The following FBN3 variants were observed in gnomAD, a reference collection of about 807,000 sequenced individuals.
FBN3 encodes fibrillin-3.
A neutral mutation model predicts 330.1 loss-of-function variants in FBN3; 234 were observed. The ratio of observed to expected loss-of-function variants is 0.71; its 90% CI spans 0.64 to 0.79. The LOEUF is 0.79. Among genes scored for constraint, FBN3 ranks in the 30% least tolerant of loss-of-function variants. The pLI, the probability that FBN3 is intolerant of heterozygous loss-of-function variation, is 0.00. For synonymous variants in FBN3, 1,458 were observed against 1,517.3 expected (o/e 0.96, Z 0.91); for missense variants, 3,606 against 3,886.9 (o/e 0.93, Z 1.92).
intron 38 of FBN3, among the ~76,000 whole-genome samples, chr19:8,104,165 G>GA (rs34779277): frequency 0.3 from 35,749 of 120,794 alleles, 5,444 homozygotes; most frequent in Non-Finnish European, 0.35. Flanking sequence ...GACATTAAGT[G>GA]AAAAAAAAAA....
intron 21 of FBN3, 126 bp downstream of exon 21, chr19:8,126,171 G>T: frequency 1.4e-6 from 2 of 1,408,178 alleles, no homozygotes; most frequent in Non-Finnish European, 2.0e-6. Context: ...ACCAGGTAGG[G>T]AGAACGTCTG....
rs553541419 is a variant in FBN3 at position 8,109,584 on chromosome 19, C to G, written c.4456+47G>C. On this transcript the variant is annotated intron_variant, in intron 35 of 63. Coordinates refer to ENST00000600128, the MANE Select transcript of FBN3 (RefSeq NM_032447.5). This position sits in a 1 kb window ranked among gnomAD's most constrained non-coding sequence, Gnocchi z 5.2. ...TAACCCAGTGGGGCAATCCCACCCACCTCTGCTGACCCCAGAACCCTGATC... is the reference window on the plus strand; with the variant it reads ...TAACCCAGTGGGGCAATCCCACCCAGCTCTGCTGACCCCAGAACCCTGATC... The G allele has an allele frequency of 6.4e-6, 10 of 1,562,430 alleles. No homozygotes were observed. In the African/African-American group the frequency reaches 9.5e-5, roughly 15 times the overall value.
At chr19:8,076,258 G>A (rs910416505) in intron 59 of FBN3, among the ~76,000 whole-genome samples, 2 of 151,886 alleles carry the variant, frequency 1.3e-5, no homozygotes, top group African/African-American at 2.4e-5. Context: ...GTGTGTGTGT[G>A]TGTGTGTGTG....
rs1429513416 is a variant in FBN3, at chr19:8,100,892, C to T, written c.5161+9G>A. The T allele has an allele frequency of 2.5e-6, 4 of 1,612,656 alleles. No individual in the cohort carries two copies. In the African/African-American group the frequency reaches 5.3e-5, roughly 22 times the overall value. On this transcript the variant is annotated intron_variant, in intron 41 of 63. Transcript: ENST00000600128. Reference sequence around the variant, plus strand: ...GTGCCCAGGGATAGAGCAGGGACCACTCACTCACCAAGGGGCTTCCCCGTG... The same window carrying T: ...GTGCCCAGGGATAGAGCAGGGACCATTCACTCACCAAGGGGCTTCCCCGTG...
At chr19:8,144,738 ATGTCCTCAGAC>A in intron 6 of FBN3, 128 bp downstream of exon 6, 1 of 615,558 alleles carries the variant, frequency 1.6e-6, no homozygotes, top group South Asian at 2.1e-5. Flanking sequence ...AATGAAAGAA[ATGTCCTCAGAC>A]TGCCCCAAAT....
At chr19:8,120,823 C>G (rs553207898) in intron 25 of FBN3, among the ~76,000 whole-genome samples, 5 of 152,328 alleles carry the variant, frequency 3.3e-5, no homozygotes, top group African/African-American at 1.2e-4. Context: ...GTCTGTCTTC[C>G]TGTTAGGCTG....
At chr19:8,128,861 G>A (rs894296155) in intron 18 of FBN3, among the ~76,000 whole-genome samples, 167 bp downstream of exon 18, 18 of 151,738 alleles carry the variant, frequency 1.2e-4, no homozygotes, top group African/African-American at 3.7e-4. Flanking sequence ...GTATCTGAGC[G>A]TGTGCATATA....
rs562090883 is a variant in FBN3 at position 8,094,762 on chromosome 19, G to A, written c.5786-197C>T. 7.9e-5 allele frequency among the ~76,000 whole-genome samples: 12 copies of A among 152,270 alleles called. No homozygotes were observed. In the South Asian group the frequency reaches 8.3e-4, roughly 11 times the overall value. On this transcript the variant is annotated intron_variant, in intron 46 of 63. Transcript: ENST00000600128. The stretch of plus-strand genomic sequence containing the variant: ...GCTGGGGAAGGATTATCTGACTCTC[G>A]TGGGGTTATAGGTGGGGCAGATGGT...
At chr19:8,076,247 C>CGTGTGTGT (rs34549426) in intron 59 of FBN3, among the ~76,000 whole-genome samples, 2,255 of 147,726 alleles carry the variant, frequency 0.015, 32 homozygotes, top group Non-Finnish European at 0.023. Flanking sequence ...TGTCCGTGTG[C>CGTGTGTGT]GTGTGTGTGT....
At chr19:8,089,777 C>A (rs754652075) in intron 50 of FBN3, 107 bp from the exon 51 acceptor site, 11 of 1,558,678 alleles carry the variant, frequency 7.1e-6, no homozygotes, top group Admixed American at 1.8e-5. Context: ...CCCAGGCTGG[C>A]AGGGTCCAGG....
chr19:8,073,704 G>C (rs1033248260), intron 61 of FBN3, among the ~76,000 whole-genome samples: 2 of 152,182 alleles, frequency 1.3e-5, no homozygotes, highest in Non-Finnish European at 1.5e-5. Flanking sequence ...TTGGAGTTGG[G>C]AGTCTCACTC....
chr19:8,086,609 G>A (rs1026289934), intron 54 of FBN3, among the ~76,000 whole-genome samples: 8 of 135,294 alleles, frequency 5.9e-5, no homozygotes, highest in African/African-American at 1.7e-4. Context: ...GGTGCCCGCC[G>A]CCACGCCCAG....
intron 51 of FBN3, among the ~76,000 whole-genome samples, chr19:8,089,058 G>T (rs1222820553): frequency 1.4e-5 from 2 of 147,206 alleles, no homozygotes; most frequent in Non-Finnish European, 1.5e-5. Flanking sequence ...GAATAAGTGA[G>T]TAAATGAATA....
At chr19:8,113,953 T>C (rs552892140) in intron 30 of FBN3, among the ~76,000 whole-genome samples, 2 of 151,548 alleles carry the variant, frequency 1.3e-5, no homozygotes, top group Admixed American at 1.3e-4. Flanking sequence ...ATTGTGTCAC[T>C]GCACTCCAGC....
chr19:8,085,022 G>C (rs1338253997), intron 56 of FBN3, among the ~76,000 whole-genome samples: 1 of 152,142 alleles, frequency 6.6e-6, no homozygotes, highest in Non-Finnish European at 1.5e-5. Context: ...AAAGTGCTGG[G>C]ATGACAGGTA....
rs1482257497 is a variant in FBN3, at chr19:8,136,429, C to T, written c.1304G>A (p.Cys435Tyr). The T allele has an allele frequency of 1.9e-6, 3 of 1,614,180 alleles. No individual in the cohort carries two copies. The highest frequency in any genetic ancestry group is 2.5e-6 in the Non-Finnish European group (3 of 1,180,020). Residue 435 changes from cysteine (C) to tyrosine (Y), a missense_variant, in exon 11 of 64, where the codon TGT becomes TAT. Cys to Tyr is a radical substitution (Grantham distance 194). Coordinates refer to ENST00000600128, the MANE Select transcript of FBN3 (RefSeq NM_032447.5). ...CACGTCCTGGGTGTAGCCCACGTTA[C>T]ACTCGCAGCGGTAGCTGGAAGGCGT... ...LPTPSSYRCE[C>Y]NVGYTQDVRG...
Position 8,142,100 on chromosome 19 carries a change from G to C in FBN3, c.579C>G (p.Pro193=), listed in dbSNP as rs35460337. The change falls in exon 7 of 64, where the codon CCC becomes CCG. Residue 193 remains proline, a synonymous_variant. Transcript: ENST00000600128. Reference sequence around the variant, plus strand: ...CCGTCAGCTGATGCTGGCACCCCTCGGGGCCTACTTGGCCAAAGCAGGGTC... The same window carrying C: ...CCGTCAGCTGATGCTGGCACCCCTCCGGGCCTACTTGGCCAAAGCAGGGTC... ...RTGPCFGQVG[P]EGCQHQLTGL... 4,472 of 1,612,934 alleles carry C rather than the reference G, an allele frequency of 2.8e-3. 125 individuals carry two copies. The African/African-American group carries it at 0.053, about 19-fold the overall frequency.
chr19:8,117,717 T>A, intron 26 of FBN3, 128 bp from the exon 27 acceptor site: 1 of 1,088,428 alleles, frequency 9.2e-7, no homozygotes. Flanking sequence ...GCCCCGCATG[T>A]GCCTATCCGT....
rs942378500 is a variant in FBN3 at position 8,091,460 on chromosome 19, C to G, written c.6031+5G>C. 1 of 1,613,976 alleles carries G rather than the reference C, an allele frequency of 6.2e-7. No individual in the cohort carries two copies. The highest frequency in any genetic ancestry group is 1.3e-5 in the African/African-American group (1 of 74,920). On this transcript the variant is annotated splice_donor_5th_base_variant and intron_variant, in intron 48 of 63. Coordinates refer to ENST00000600128, the MANE Select transcript of FBN3 (RefSeq NM_032447.5). ...CCCTCTTCCCTAAGCCCTGTGTGGA[C>G]TTACCAAAGCAACGGTGCCCATTGT...
Sources: gnomAD v4.1 joint callset for allele counts (sites outside exome capture counted in the v4.1 genomes callset) on GRCh38, gnomAD v4.1.1 for gene constraint, Gnocchi (gnomAD v3.1) non-coding constraint, MANE v1.5 for transcripts, NCBI Gene and HGNC (gene_info 2026-07-23, HGNC 2026-07-21) for gene names.